The following PRR5L variants were observed in gnomAD, a reference collection of about 807,000 sequenced individuals.
PRR5L encodes the protein proline-rich protein 5-like.
Under a neutral mutation model 36.4 loss-of-function variants are expected in PRR5L, and 21 were observed. The ratio of observed to expected loss-of-function variants is 0.58; its 90% CI spans 0.41 to 0.83. PRR5L has a LOEUF of 0.83. PRR5L is among the 40% of genes least tolerant of loss of function. The pLI is 0.00. For missense variants in PRR5L, 381 were observed against 473.3 expected (o/e 0.80, Z 1.81); for synonymous variants, 188 against 197.0 (o/e 0.95, Z 0.38).
intron 6 of PRR5L, among the ~76,000 whole-genome samples, chr11:36,438,556 G>A (rs548459644): frequency 6.6e-6 from 1 of 152,298 alleles, no homozygotes; most frequent in African/African-American, 2.4e-5. Flanking sequence ...CTTCTGTCCT[G>A]TAGCCTGCAG....
intron 7 of PRR5L, among the ~76,000 whole-genome samples, chr11:36,448,733 A>C (rs956607939): frequency 6.6e-6 from 1 of 152,162 alleles, no homozygotes; most frequent in African/African-American, 2.4e-5. Flanking sequence ...ACAGTCAAAG[A>C]AGCTCTGGGA....
intron 1 of PRR5L, among the ~76,000 whole-genome samples, chr11:36,385,052 A>C (rs1036436267): frequency 2.0e-5 from 3 of 152,202 alleles, no homozygotes; most frequent in African/African-American, 7.2e-5. Flanking sequence ...AGTAAGTTGC[A>C]CATTTTAATC....
At chr11:36,369,108 T>C (rs1474996629) in intron 1 of PRR5L, among the ~76,000 whole-genome samples, 1 of 152,118 alleles carries the variant, frequency 6.6e-6, no homozygotes, top group Non-Finnish European at 1.5e-5. Context: ...GGTCAGAAAC[T>C]GGGATGGATA....
chr11:36,400,985 C>G lies in PRR5L; in HGVS notation c.-125-12C>G, dbSNP rs1474504398. 7.0e-7 allele frequency: 1 copy of G among 1,437,814 alleles called. No homozygotes were observed. Among genetic ancestry groups the G allele is most frequent in the Non-Finnish European group, 9.1e-7 (1 of 1,095,200 alleles). 89.1% of individuals were successfully genotyped at this position (1,437,814 alleles called of 1,614,324 possible). ...CCAGGAGTTCTCAATAAAAGCTTCC[C>G]TCTCTTTTCAGGTGTTGGCTACGTT... On this transcript the variant is annotated splice_polypyrimidine_tract_variant and intron_variant, in intron 1 of 8. Transcript: ENST00000530639.
At chr11:36,341,023 A>G (rs2133480364) in intron 1 of PRR5L, among the ~76,000 whole-genome samples, 1 of 152,314 alleles carries the variant, frequency 6.6e-6, no homozygotes, top group Admixed American at 6.5e-5. Context: ...AAGCCCATAA[A>G]CAAATGTAAT....
chr11:36,358,702 G>A (rs995473046), intron 1 of PRR5L, among the ~76,000 whole-genome samples: 1 of 152,158 alleles, frequency 6.6e-6, no homozygotes, highest in African/African-American at 2.4e-5. Flanking sequence ...GGCAGTAACT[G>A]TCAGGAAAGA....
chr11:36,347,372 C>A (rs1000065678), intron 1 of PRR5L, among the ~76,000 whole-genome samples: 4 of 152,132 alleles, frequency 2.6e-5, no homozygotes, highest in Non-Finnish European at 5.9e-5. Flanking sequence ...AAGAAACCAT[C>A]AGTTGCTAAA....
In PRR5L at chr11:36,344,676, G is replaced by C. The variant is rs72950046; in HGVS notation, c.-126+48238G>C. On this transcript the variant is annotated intron_variant, in intron 1 of 8. Transcript: ENST00000530639. This position sits in a 1 kb window ranked among gnomAD's most constrained non-coding sequence, Gnocchi z 4.1. ...ATTATGAGGCATTAGAATGCAAAAA[G>C]TGCACTCTGTTTTTGTAAATAACAA... 0.023 allele frequency among the ~76,000 whole-genome samples: 3,532 copies of C among 152,262 alleles called. 79 individuals carry two copies. The highest frequency in any genetic ancestry group is 0.098 in the East Asian group (510 of 5,184).
intron 1 of PRR5L, among the ~76,000 whole-genome samples, chr11:36,385,023 A>G (rs1266394677): frequency 6.6e-6 from 1 of 152,156 alleles, no homozygotes; most frequent in Non-Finnish European, 1.5e-5. Context: ...GCCATGAGAG[A>G]GTAGAGCTAA....
At chr11:36,439,672 G>T (rs911724419) in intron 6 of PRR5L, among the ~76,000 whole-genome samples, 2 of 152,162 alleles carry the variant, frequency 1.3e-5, no homozygotes, top group Non-Finnish European at 2.9e-5. Flanking sequence ...AGGTGGCGAA[G>T]ATCTGCAGCA....
At chr11:36,343,175 C>T in intron 1 of PRR5L, among the ~76,000 whole-genome samples, 1 of 152,184 alleles carries the variant, frequency 6.6e-6, no homozygotes, top group African/African-American at 2.4e-5. Flanking sequence ...TATCAGAATT[C>T]CATGTTGATC....
At chr11:36,297,979 G>T (rs572659478) in intron 1 of PRR5L, among the ~76,000 whole-genome samples, 1 of 152,358 alleles carries the variant, frequency 6.6e-6, no homozygotes, top group South Asian at 2.1e-4. Flanking sequence ...TCAGTGGCAG[G>T]TTCTGGTGGG....
chr11:36,389,013 T>C (rs1030297311), intron 1 of PRR5L, among the ~76,000 whole-genome samples: 9 of 152,208 alleles, frequency 5.9e-5, no homozygotes, highest in Admixed American at 2.0e-4. Flanking sequence ...GTCGGCTCTT[T>C]CTTAGAGCTG....
At chr11:36,327,893 T>C (rs11033554) in intron 1 of PRR5L, among the ~76,000 whole-genome samples, 24,126 of 152,208 alleles carry the variant, frequency 0.16, 2,276 homozygotes, top group African/African-American at 0.27. Flanking sequence ...ATTGAACCAA[T>C]GTACACCTTA....
At chr11:36,376,932 G>T (rs1051577320) in intron 1 of PRR5L, among the ~76,000 whole-genome samples, 1 of 152,078 alleles carries the variant, frequency 6.6e-6, no homozygotes, top group Non-Finnish European at 1.5e-5. Context: ...TCTTACTCGA[G>T]ACCACCATGG....
intron 4 of PRR5L, among the ~76,000 whole-genome samples, chr11:36,431,600 C>T (rs1451825131): frequency 6.6e-6 from 1 of 152,130 alleles, no homozygotes; most frequent in East Asian, 1.9e-4. Context: ...CATGCCTCTT[C>T]CCTCGTCTGA....
chr11:36,460,484 T>C (rs1308338542), intron 8 of PRR5L, among the ~76,000 whole-genome samples: 1 of 152,060 alleles, frequency 6.6e-6, no homozygotes, highest in African/African-American at 2.4e-5. Context: ...TTCTGTAGTA[T>C]CTCTGTAGTA....
intron 1 of PRR5L, among the ~76,000 whole-genome samples, chr11:36,332,748 A>G (rs1856731838): frequency 6.6e-6 from 1 of 151,462 alleles, no homozygotes; most frequent in South Asian, 2.1e-4. Context: ...AGAGCCTGGC[A>G]CCTCCTCCTC....
intron 1 of PRR5L, among the ~76,000 whole-genome samples, chr11:36,315,139 T>C (rs1464192478): frequency 2.6e-5 from 4 of 152,160 alleles, no homozygotes; most frequent in Admixed American, 2.6e-4. Context: ...ACTAGGAACT[T>C]TTGCAAGTTA....
Sources: gnomAD v4.1 joint callset for allele counts (sites outside exome capture counted in the v4.1 genomes callset) on GRCh38, gnomAD v4.1.1 for gene constraint, Gnocchi (gnomAD v3.1) non-coding constraint, MANE v1.5 for transcripts, NCBI Gene and HGNC (gene_info 2026-07-23, HGNC 2026-07-21) for gene names.